PEX2: variants seen among roughly 807,000 people sequenced by gnomAD.
PEX2 encodes the protein peroxisomal biogenesis factor 2.
Under a neutral mutation model 25.2 loss-of-function variants are expected in PEX2, and 19 were observed. That is an observed-to-expected ratio of 0.75 (90% confidence interval 0.53 to 1.10). PEX2 has a LOEUF of 1.10. Ranked by LOEUF, PEX2 falls within the 50% of genes least tolerant of loss-of-function variation. The pLI is 0.00. For synonymous variants in PEX2, 141 were observed against 127.7 expected (o/e 1.10, Z -0.70); for missense variants, 347 against 350.6 (o/e 0.99, Z 0.08).
chr8:76,991,020 T>G (rs1807154810), intron 1 of PEX2, among the ~76,000 whole-genome samples: 2 of 152,198 alleles, frequency 1.3e-5, no homozygotes, highest in African/African-American at 4.8e-5. Flanking sequence ...CCAAGTAGGT[T>G]TGTGTGAGTA....
chr8:76,993,356 A>G (rs2132056649), intron 1 of PEX2, among the ~76,000 whole-genome samples: 1 of 152,304 alleles, frequency 6.6e-6, no homozygotes, highest in South Asian at 2.1e-4. Flanking sequence ...TCAGGGGCCT[A>G]CCTATGATGC....
At chr8:76,990,156 C>A (rs1807125903) in intron 1 of PEX2, among the ~76,000 whole-genome samples, 1 of 152,196 alleles carries the variant, frequency 6.6e-6, no homozygotes, top group South Asian at 2.1e-4. Context: ...CACGAACCAA[C>A]CTCTGCTAGC....
At chr8:76,999,083 T>C (rs987042460) in intron 1 of PEX2, among the ~76,000 whole-genome samples, 3 of 151,948 alleles carry the variant, frequency 2.0e-5, no homozygotes, top group Admixed American at 1.3e-4. Flanking sequence ...ATTGATAATA[T>C]AGGTGAGATC....
chr8:76,985,106 C>G (rs1806966708), intron 3 of PEX2, among the ~76,000 whole-genome samples: 1 of 151,100 alleles, frequency 6.6e-6, no homozygotes, highest in Non-Finnish European at 1.5e-5. Context: ...CACCAAGTCA[C>G]TGCCATAATC....
chr8:76,983,534 CT>C lies in PEX2; in HGVS notation c.644del (p.Lys215SerfsTer2). ...IFLLPLINVQKLKAKLSSWCI... is the reference protein window; with the variant it reads ...IFLLPLINVQXLKAKLSSWCI... ...ACCATGAAGACAGCTTGGCTTTCAA[CT>C]TCTGGACATTGATAAGTGGTAAGAG... is the stretch of plus-strand genomic sequence containing the variant. On this transcript the variant is annotated frameshift_variant, in exon 4 of 4. Coordinates refer to ENST00000357039, the MANE Select transcript of PEX2 (RefSeq NM_000318.3). LOFTEE classifies it high-confidence loss of function. 6.2e-7 allele frequency: 1 copy of C among 1,614,046 alleles called. No individual in the cohort carries two copies. The highest frequency in any genetic ancestry group is 8.5e-7 in the Non-Finnish European group (1 of 1,180,026).
At chr8:76,996,651 CTG>C (rs1807342428) in intron 1 of PEX2, among the ~76,000 whole-genome samples, 1 of 152,110 alleles carries the variant, frequency 6.6e-6, no homozygotes, top group Non-Finnish European at 1.5e-5. Flanking sequence ...TTGAAAATAA[CTG>C]GAACAAACAT....
At position 76,980,845 on chromosome 8, in the gene PEX2, T is replaced by C. The variant is rs1806797719; in HGVS notation, c.*2416A>G. The C allele has an allele frequency of 6.6e-6, 1 of 152,220 alleles. No individual in the cohort carries two copies. Among genetic ancestry groups the C allele is most frequent in the Non-Finnish European group, 1.5e-5 (1 of 68,052 alleles). The allele number at this position is 152,220 out of a possible 1,614,324, so 9.4% of individuals were successfully genotyped here. ...AAGAGCTTTATATACACTAAACATG[T>C]AATCCTTACAATGAACAGATGTGCA... On this transcript the variant is annotated 3_prime_UTR_variant, in exon 4 of 4. Transcript: ENST00000357039.
At chr8:76,999,435 A>G (rs1359640455) in intron 1 of PEX2, among the ~76,000 whole-genome samples, 1 of 152,266 alleles carries the variant, frequency 6.6e-6, no homozygotes, top group Non-Finnish European at 1.5e-5. Context: ...TTTCTTATCA[A>G]AAGTCAACGT....
chr8:76,990,989 C>G (rs143049108), intron 1 of PEX2, among the ~76,000 whole-genome samples: 1 of 152,108 alleles, frequency 6.6e-6, no homozygotes, highest in Non-Finnish European at 1.5e-5. Flanking sequence ...TAAAATATAA[C>G]GAGGTGTGAA....
intron 1 of PEX2, among the ~76,000 whole-genome samples, chr8:76,991,957 G>A (rs182522705): frequency 6.0e-4 from 92 of 152,272 alleles, no homozygotes; most frequent in African/African-American, 1.9e-3. Context: ...ATCTCATTTC[G>A]AAAGACTGAA....
At position 76,983,016 on chromosome 8, in the gene PEX2, T is replaced by TG; in HGVS notation, c.*244_*245insC. 1 of 1,082,628 alleles carries TG rather than the reference T, an allele frequency of 9.2e-7. No homozygotes were observed. Among genetic ancestry groups the TG allele is most frequent in the East Asian group, 3.1e-5 (1 of 32,774 alleles). The allele number at this position is 1,082,628 out of a possible 1,614,324, so 67.1% of individuals were successfully genotyped here. A position where few individuals can be genotyped will look rare whatever the true frequency, so the allele number is the denominator to read the frequency against. Reference sequence around the variant, plus strand: ...GTTAGTAGTCACCTGACAAAAGCTGTCCATTATTCTTGACATTAAAAATTG... The same window carrying TG: ...GTTAGTAGTCACCTGACAAAAGCTGTGCCATTATTCTTGACATTAAAAATTG... On this transcript the variant is annotated 3_prime_UTR_variant, in exon 4 of 4. Transcript: ENST00000357039.
Position 76,983,955 on chromosome 8 carries a change from G to C in PEX2, c.224C>G (p.Thr75Arg). Residue 75 changes from threonine (T) to arginine (R), a missense_variant, in exon 4 of 4, where the codon ACA becomes AGA. Physicochemically the swap from Thr to Arg is moderately conservative, Grantham distance 71. Coordinates refer to ENST00000357039, the MANE Select transcript of PEX2 (RefSeq NM_000318.3). ...AATATTCAAAACTGACTGTCCCACT[G>C]TGGCATTTTTGGAGTAGATGGTGAA... Reference protein sequence around the residue: ...WRFTIYSKNATVGQSVLNIKY... With the variant: ...WRFTIYSKNARVGQSVLNIKY... 6.2e-7 allele frequency: 1 copy of C among 1,614,106 alleles called. No homozygotes were observed. The highest frequency in any genetic ancestry group is 1.7e-5 in the Admixed American group (1 of 60,020).
Position 76,981,219 on chromosome 8 carries a change from C to G in PEX2, c.*2042G>C, listed in dbSNP as rs1806815321. On this transcript the variant is annotated 3_prime_UTR_variant, in exon 4 of 4. Coordinates refer to ENST00000357039, the MANE Select transcript of PEX2 (RefSeq NM_000318.3). ...GGTGCAGTGGCTCATGCCTGTAATC[C>G]CACAACTTTGGGAGGCCAGGGTAGG... The G allele has an allele frequency of 6.6e-6, 1 of 152,156 alleles. No individual in the cohort carries two copies. The highest frequency in any genetic ancestry group is 1.5e-5 in the Non-Finnish European group (1 of 68,082). 9.4% of individuals were successfully genotyped at this position (152,156 alleles called of 1,614,324 possible). A position where few individuals can be genotyped will look rare whatever the true frequency, so the allele number is the denominator to read the frequency against.
intron 1 of PEX2, among the ~76,000 whole-genome samples, chr8:76,994,321 T>C (rs913885310): frequency 2.0e-4 from 31 of 152,318 alleles, no homozygotes; most frequent in African/African-American, 5.8e-4. Context: ...ATGTATTTTA[T>C]AGTTTTATTG....
At position 76,999,860 on chromosome 8, in the gene PEX2, G is replaced by C. The variant is rs1441001168; in HGVS notation, c.-160+130C>G. ...GCAGCTTTGATTTGCCTTTTCCAGGGAGACAGGAAGCCAATAAACAGGGAA... is the reference window on the plus strand; with the variant it reads ...GCAGCTTTGATTTGCCTTTTCCAGGCAGACAGGAAGCCAATAAACAGGGAA... On this transcript the variant is annotated intron_variant, in intron 1 of 3. Transcript: ENST00000357039. The C allele has an allele frequency of 6.6e-6, 3 of 456,498 alleles. No homozygotes were observed. In the Admixed American group the frequency reaches 7.0e-5, roughly 11 times the overall value. 28.3% of individuals were successfully genotyped at this position (456,498 alleles called of 1,614,324 possible).
intron 1 of PEX2, among the ~76,000 whole-genome samples, chr8:76,995,991 T>C (rs527572823): frequency 6.6e-5 from 10 of 152,114 alleles, no homozygotes; most frequent in Admixed American, 4.6e-4. Context: ...TAGGAAATCT[T>C]GCAAGGGAAA....
intron 3 of PEX2, among the ~76,000 whole-genome samples, chr8:76,984,785 T>C (rs1425268124): frequency 6.6e-6 from 1 of 152,176 alleles, no homozygotes; most frequent in Non-Finnish European, 1.5e-5. Context: ...GAACAATACA[T>C]GGTTACTATT....
intron 1 of PEX2, among the ~76,000 whole-genome samples, chr8:76,993,716 A>C (rs553400790): frequency 1.3e-5 from 2 of 152,268 alleles, no homozygotes; most frequent in African/African-American, 4.8e-5. Context: ...ACCACCATTA[A>C]ATTTAATTCT....
intron 1 of PEX2, among the ~76,000 whole-genome samples, chr8:76,998,475 AAACAG>A (rs1211771043): frequency 2.6e-5 from 4 of 152,246 alleles, no homozygotes; most frequent in African/African-American, 4.8e-5. Context: ...AAATAAATTG[AAACAG>A]AATAGGGACA....
Sources: gnomAD v4.1 joint callset for allele counts (sites outside exome capture counted in the v4.1 genomes callset) on GRCh38, gnomAD v4.1.1 for gene constraint, MANE v1.5 for transcripts, NCBI Gene and HGNC (gene_info 2026-07-23, HGNC 2026-07-21) for gene names.